The following MMP26 variants were observed in gnomAD, a reference collection of about 807,000 sequenced individuals.
The protein encoded by MMP26 is matrix metalloproteinase-26.
MMP26 carries 33 observed loss-of-function variants against 31.0 expected under a neutral mutation model. The ratio of observed to expected loss-of-function variants is 1.06; its 90% CI spans 0.81 to 1.42. The LOEUF (loss-of-function observed/expected upper bound fraction) is 1.42. Among genes scored for constraint, MMP26 ranks in the 40% most tolerant of loss-of-function variants. The pLI, the probability that MMP26 is intolerant of heterozygous loss-of-function variation, is 0.00. For synonymous variants in MMP26, 122 were observed against 114.9 expected, an observed-to-expected ratio of 1.06 and a Z score of -0.40; for missense variants, 347 against 316.1, an observed-to-expected ratio of 1.10 and a Z score of -0.74.
At chr11:4,810,990 G>T (rs779882176) in intron 2 of MMP26, among the ~76,000 whole-genome samples, 1 of 152,084 alleles carries the variant, frequency 6.6e-6, no homozygotes, top group Admixed American at 6.5e-5. Flanking sequence ...AGGTTATCAG[G>T]TTTACATCAA....
intron 2 of MMP26, among the ~76,000 whole-genome samples, chr11:4,817,991 C>A (rs1339478855): frequency 6.6e-6 from 1 of 151,952 alleles, no homozygotes; most frequent in Non-Finnish European, 1.5e-5. Flanking sequence ...AACTGGGGGA[C>A]AAGAGAGAGC....
intron 2 of MMP26, among the ~76,000 whole-genome samples, chr11:4,901,452 G>A (rs183271394): frequency 6.6e-6 from 1 of 152,026 alleles, no homozygotes; most frequent in Non-Finnish European, 1.5e-5. Context: ...GAGCCACCAT[G>A]CCCGGCCCCC....
At chr11:4,840,438 C>T (rs1228231035) in intron 2 of MMP26, among the ~76,000 whole-genome samples, 9 of 152,222 alleles carry the variant, frequency 5.9e-5, no homozygotes, top group Non-Finnish European at 1.0e-4. Flanking sequence ...CACAGGGGTG[C>T]TTGTGTCACC....
intron 2 of MMP26, among the ~76,000 whole-genome samples, chr11:4,774,119 T>A (rs1848761439): frequency 6.6e-6 from 1 of 152,220 alleles, no homozygotes; most frequent in African/African-American, 2.4e-5. Context: ...TGTTTCTTTG[T>A]AACAGAATAA....
chr11:4,760,986 C>A (rs1848563496), intron 1 of MMP26, among the ~76,000 whole-genome samples: 2 of 152,084 alleles, frequency 1.3e-5, no homozygotes, highest in Admixed American at 1.3e-4. Context: ...AACAAAACAT[C>A]TATATGGAAT....
chr11:4,788,691 C>G (rs1848980941), intron 2 of MMP26, among the ~76,000 whole-genome samples: 1 of 151,954 alleles, frequency 6.6e-6, no homozygotes, highest in Non-Finnish European at 1.5e-5. Flanking sequence ...TTTAGAGGTG[C>G]CAGTTTGGGT....
chr11:4,856,977 G>A (rs1221589019), intron 2 of MMP26, among the ~76,000 whole-genome samples: 1 of 152,110 alleles, frequency 6.6e-6, no homozygotes, highest in African/African-American at 2.4e-5. Context: ...TGACTACTGG[G>A]TACATAACAA....
intron 2 of MMP26, among the ~76,000 whole-genome samples, chr11:4,809,688 G>A (rs1564915166): frequency 6.6e-6 from 1 of 152,176 alleles, no homozygotes; most frequent in African/African-American, 2.4e-5. Context: ...TGTGGAGGCA[G>A]TATTCCTACC....
intron 1 of MMP26, chr11:4,723,430 C>G: frequency 2.0e-6 from 2 of 1,018,530 alleles, no homozygotes; most frequent in East Asian, 2.4e-5. Flanking sequence ...GTCCAGGGAG[C>G]GGCTGCTGTC....
intron 1 of MMP26, among the ~76,000 whole-genome samples, chr11:4,750,260 T>C (rs1848431426): frequency 6.6e-6 from 1 of 151,990 alleles, no homozygotes; most frequent in African/African-American, 2.4e-5. Flanking sequence ...TATTAAAATG[T>C]CAAAAAATAA....
chr11:4,718,721 A>C, intron 1 of MMP26: 2 of 156,220 alleles, frequency 1.3e-5, no homozygotes, highest in Non-Finnish European at 2.9e-5. Context: ...TGCTTCCTCT[A>C]TGTAACTGCC....
At chr11:4,752,413 A>G (rs149466338) in intron 1 of MMP26, 3 of 152,106 alleles carry the variant, frequency 2.0e-5, no homozygotes, top group Admixed American at 6.5e-5. Context: ...GTGTCTGAAC[A>G]TGAGAGTTTC....
chr11:4,723,681 C>G (rs1589883821), intron 1 of MMP26: 9 of 900,378 alleles, frequency 1.0e-5, no homozygotes, highest in Admixed American at 3.4e-5. Context: ...TCAGCCCTTG[C>G]ATGTTGCCAA....
At chr11:4,963,905 A>T (rs75638393) in intron 2 of MMP26, among the ~76,000 whole-genome samples, 4,917 of 152,142 alleles carry the variant, frequency 0.032, 289 homozygotes, top group African/African-American at 0.11. Flanking sequence ...GGCTGCTTGT[A>T]TGTCTTCTTT....
At chr11:4,912,002 A>C (rs938473016) in intron 2 of MMP26, among the ~76,000 whole-genome samples, 3 of 151,956 alleles carry the variant, frequency 2.0e-5, no homozygotes, top group African/African-American at 7.3e-5. Context: ...CTAGAAATCC[A>C]CCTGTGGCCC....
chr11:4,907,670 G>A (rs1014503001), intron 2 of MMP26: 1 of 1,614,052 alleles, frequency 6.2e-7, no homozygotes, highest in East Asian at 2.2e-5. Context: ...CTTTGCTCAA[G>A]AATTCTTCAT....
At chr11:4,838,111 A>T (rs1409898870) in intron 2 of MMP26, among the ~76,000 whole-genome samples, 2 of 151,228 alleles carry the variant, frequency 1.3e-5, no homozygotes, top group African/African-American at 4.9e-5. Context: ...AGGTCAGGAG[A>T]TCAAGACCAT....
chr11:4,777,982 T>C (rs1002028052), intron 2 of MMP26, among the ~76,000 whole-genome samples: 3 of 152,082 alleles, frequency 2.0e-5, no homozygotes, highest in African/African-American at 7.2e-5. Context: ...AGTGGAATTG[T>C]TGGATGACTG....
intron 2 of MMP26, among the ~76,000 whole-genome samples, chr11:4,831,398 A>G (rs1849644296): frequency 6.6e-6 from 1 of 152,244 alleles, no homozygotes. Context: ...CCAGACTTGA[A>G]GATCTCTCTG....
Sources: gnomAD v4.1 joint callset for allele counts (sites outside exome capture counted in the v4.1 genomes callset) on GRCh38, gnomAD v4.1.1 for gene constraint, MANE v1.5 for transcripts, NCBI Gene and HGNC (gene_info 2026-07-23, HGNC 2026-07-21) for gene names.